PACC1: variants seen among roughly 807,000 people sequenced by gnomAD.
The protein encoded by PACC1 is proton-activated chloride channel.
In PACC1, 34 loss-of-function variants were observed where a neutral mutation model predicts 39.7. That is an observed-to-expected ratio of 0.86 (90% confidence interval 0.65 to 1.14). The LOEUF (loss-of-function observed/expected upper bound fraction) is 1.14. Among genes scored for constraint, PACC1 ranks in the 50% most tolerant of loss-of-function variants. The pLI is 0.00. For missense variants in PACC1, 379 were observed against 436.4 expected (o/e 0.87, Z 1.17); for synonymous variants, 127 against 160.6 (o/e 0.79, Z 1.58).
intron 1 of PACC1, among the ~76,000 whole-genome samples, chr1:212,412,506 AG>A (rs1351784966): frequency 6.6e-6 from 1 of 152,184 alleles, no homozygotes; most frequent in Non-Finnish European, 1.5e-5. Flanking sequence ...AGAATGGTTC[AG>A]GAAGAAAGAC....
chr1:212,385,531 G>T, intron 3 of PACC1, 106 bp from the exon 4 acceptor site: 2 of 1,211,964 alleles, frequency 1.7e-6, no homozygotes, highest in Non-Finnish European at 2.4e-6. Flanking sequence ...CTCCCTGGAG[G>T]ACTGCAGGGA....
intron 2 of PACC1, among the ~76,000 whole-genome samples, chr1:212,388,934 G>C (rs1307687446): frequency 6.6e-6 from 1 of 152,084 alleles, no homozygotes; most frequent in Non-Finnish European, 1.5e-5. Context: ...AGCCCCAAAA[G>C]GTATCTGCTT....
rs1446276052 is a variant in PACC1 at position 212,386,749 on chromosome 1, T to C, written c.343+142A>G. 5.1e-6 allele frequency: 4 copies of C among 787,590 alleles called. No homozygotes were observed. The highest frequency in any genetic ancestry group is 3.2e-5 in the South Asian group (2 of 62,768). The allele number at this position is 787,590 out of a possible 1,614,324, so 48.8% of individuals were successfully genotyped here. A position where few individuals can be genotyped will look rare whatever the true frequency, so the allele number is the denominator to read the frequency against. ...ACTCCCAACAGCAGCTCCTTGGGCA[T>C]AGACTCTATACCTAGACTATGCTTG... is the stretch of plus-strand genomic sequence containing the variant. On this transcript the variant is annotated intron_variant, in intron 3 of 7. Coordinates refer to ENST00000261455, the MANE Select transcript of PACC1 (RefSeq NM_018252.3). The surrounding 1 kb of genome is among the most constrained non-coding windows in gnomAD (Gnocchi z 5.0).
intron 3 of PACC1, among the ~76,000 whole-genome samples, chr1:212,385,667 G>A (rs936189415): frequency 6.6e-6 from 1 of 152,048 alleles, no homozygotes. Flanking sequence ...CAGCCGCCCT[G>A]ATGCCCACAT....
intron 7 of PACC1, among the ~76,000 whole-genome samples, chr1:212,372,288 A>C (rs75600219): frequency 0.028 from 4,248 of 151,112 alleles, 187 homozygotes; most frequent in African/African-American, 0.091. Flanking sequence ...GTGTCAAAAA[A>C]AAAAAACAAA....
At chr1:212,375,350 C>T (rs1467487840) in intron 6 of PACC1, 50 bp from the exon 7 acceptor site, 2 of 1,314,042 alleles carry the variant, frequency 1.5e-6, no homozygotes, top group Middle Eastern at 1.8e-4. Context: ...GTGCCCTTCC[C>T]TTGCCTGTGC....
intron 7 of PACC1, among the ~76,000 whole-genome samples, chr1:212,369,749 C>A (rs1279507452): frequency 6.7e-6 from 1 of 149,842 alleles, no homozygotes; most frequent in Non-Finnish European, 1.5e-5. Context: ...CCACTGCACT[C>A]CAGCCTGGGC....
intron 1 of PACC1, 68 bp downstream of exon 1, chr1:212,414,654 T>G: frequency 1.6e-6 from 2 of 1,249,212 alleles, no homozygotes; most frequent in Non-Finnish European, 2.3e-6. Context: ...CCGCCCCGCA[T>G]CCGCCCAGGC....
At chr1:212,408,177 G>A (rs1661992301) in intron 2 of PACC1, among the ~76,000 whole-genome samples, 1 of 151,920 alleles carries the variant, frequency 6.6e-6, no homozygotes, top group Non-Finnish European at 1.5e-5. Context: ...ACCTCCCCAT[G>A]CTTTACTCAA....
chr1:212,403,677 AC>A (rs774465889), intron 2 of PACC1, among the ~76,000 whole-genome samples: 7 of 151,912 alleles, frequency 4.6e-5, no homozygotes, highest in African/African-American at 7.3e-5. Context: ...CGATTCTTCC[AC>A]CTCAGCCTCC....
At chr1:212,375,115 TTAAA>T (rs1660598520) in intron 7 of PACC1, 74 bp downstream of exon 7, 5 of 1,217,496 alleles carry the variant, frequency 4.1e-6, no homozygotes, top group Non-Finnish European at 5.8e-6. Context: ...CATCATAATC[TTAAA>T]TAATACATCT....
chr1:212,381,969 G>T (rs1201447094), intron 4 of PACC1, among the ~76,000 whole-genome samples: 2 of 152,136 alleles, frequency 1.3e-5, no homozygotes, highest in African/African-American at 4.8e-5. Flanking sequence ...GTATTTGCAG[G>T]TTTTGTTTTT....
At chr1:212,410,706 C>T (rs1021048327) in intron 1 of PACC1, among the ~76,000 whole-genome samples, 185 bp from the exon 2 acceptor site, 1 of 152,228 alleles carries the variant, frequency 6.6e-6, no homozygotes, top group Non-Finnish European at 1.5e-5. Flanking sequence ...AAACTTTCTG[C>T]TCTCTGTGTT....
intron 7 of PACC1, among the ~76,000 whole-genome samples, chr1:212,372,444 A>G (rs1198546503): frequency 6.6e-6 from 1 of 152,208 alleles, no homozygotes; most frequent in African/African-American, 2.4e-5. Flanking sequence ...GGAACAAGAC[A>G]AGGGTGCCTA....
chr1:212,411,458 C>T (rs909626341), intron 1 of PACC1, among the ~76,000 whole-genome samples: 25 of 152,206 alleles, frequency 1.6e-4, no homozygotes, highest in African/African-American at 5.8e-4. Context: ...CAACCTCAAC[C>T]TCACTTCACC....
At chr1:212,414,212 T>C in intron 1 of PACC1, 2 of 997,540 alleles carry the variant, frequency 2.0e-6, no homozygotes, top group South Asian at 3.8e-5. Context: ...CAAAGTTAGG[T>C]GGTCACCAAA....
At chr1:212,404,405 C>G (rs1245478373) in intron 2 of PACC1, among the ~76,000 whole-genome samples, 1 of 151,752 alleles carries the variant, frequency 6.6e-6, no homozygotes, top group Non-Finnish European at 1.5e-5. Context: ...CGCACCCAGC[C>G]CCAATCCTTT....
At chr1:212,394,000 C>G (rs1465715714) in intron 2 of PACC1, among the ~76,000 whole-genome samples, 2 of 151,096 alleles carry the variant, frequency 1.3e-5, no homozygotes, top group African/African-American at 4.9e-5. Context: ...CCGAATTCTA[C>G]CAGAGGTACA....
intron 6 of PACC1, chr1:212,377,006 T>A (rs1660689364): frequency 6.6e-6 from 1 of 152,446 alleles, no homozygotes; most frequent in Admixed American, 6.5e-5. Flanking sequence ...GTATGTTATA[T>A]CACCTGCAGA....
Sources: gnomAD v4.1 joint callset for allele counts (sites outside exome capture counted in the v4.1 genomes callset) on GRCh38, gnomAD v4.1.1 for gene constraint, Gnocchi (gnomAD v3.1) non-coding constraint, MANE v1.5 for transcripts, NCBI Gene and HGNC (gene_info 2026-07-23, HGNC 2026-07-21) for gene names.